Variants in TRAF3IP1 observed in about 807,000 individuals in gnomAD.
The protein encoded by TRAF3IP1 is TRAF3-interacting protein 1.
TRAF3IP1 carries 53 observed loss-of-function variants against 89.9 expected under a neutral mutation model. That is an observed-to-expected ratio of 0.59 (90% CI 0.47 to 0.74). TRAF3IP1 has a LOEUF of 0.74. Ranked by LOEUF, TRAF3IP1 falls within the 30% of genes least tolerant of loss-of-function variation. The pLI is 0.00. For missense variants in TRAF3IP1, 806 were observed against 866.1 expected (o/e 0.93, Z 0.87); for synonymous variants, 311 against 322.1 (o/e 0.97, Z 0.37).
Position 238,329,205 on chromosome 2 carries a change from G to A in TRAF3IP1, c.778G>A (p.Glu260Lys), listed in dbSNP as rs138469421. The A allele has an allele frequency of 5.2e-3, 8,126 of 1,565,716 alleles. 31 individuals carry two copies. Among genetic ancestry groups the A allele is most frequent in the Non-Finnish European group, 5.5e-3 (6,397 of 1,159,756 alleles). Residue 260 changes from glutamate to lysine, a missense_variant, in exon 5 of 17, where the codon GAG becomes AAG. Glu to Lys is a moderately conservative substitution (Grantham distance 56, BLOSUM62 1). Transcript: ENST00000373327. ...AAAGAGTGAGGGGGGGAAAGAGAAG[G>A]AGAGACTGAGAGACAGGGACCGAGA... ...ERKSEGGKEK[E>K]RLRDRDRERD...
At chr2:238,385,903 A>G (rs991659062) in intron 15 of TRAF3IP1, among the ~76,000 whole-genome samples, 55 of 152,338 alleles carry the variant, frequency 3.6e-4, no homozygotes, top group African/African-American at 1.3e-3. Flanking sequence ...TTTGGGTGGG[A>G]TAGTCTGTCA....
chr2:238,325,206 T>C, intron 1 of TRAF3IP1, 100 bp from the exon 2 acceptor site: 4 of 1,139,736 alleles, frequency 3.5e-6, no homozygotes, highest in Non-Finnish European at 4.0e-6. Context: ...TCTGGGCTGC[T>C]AGTCAATTCT....
intron 15 of TRAF3IP1, among the ~76,000 whole-genome samples, chr2:238,364,678 C>A (rs1384053693): frequency 6.6e-6 from 1 of 151,360 alleles, no homozygotes; most frequent in African/African-American, 2.4e-5. Context: ...GATGCTTTTT[C>A]TTTTCATTTA....
At position 238,398,976 on chromosome 2, in the gene TRAF3IP1, T is replaced by C; in HGVS notation, c.*57T>C. On this transcript the variant is annotated 3_prime_UTR_variant, in exon 17 of 17. Transcript: ENST00000373327. ...CTCAGTTTAAAAGCAAAAAGGAAGA[T>C]AGAAAATCATTACTCTTTTAAGTTC... The C allele has an allele frequency of 1.4e-6, 2 of 1,445,126 alleles. No homozygotes were observed. Among genetic ancestry groups the C allele is most frequent in the Non-Finnish European group, 1.9e-6 (2 of 1,065,268 alleles). 89.5% of individuals were successfully genotyped at this position (1,445,126 alleles called of 1,614,324 possible).
At chr2:238,396,983 C>G (rs11682761) in intron 15 of TRAF3IP1, among the ~76,000 whole-genome samples, 42,390 of 152,128 alleles carry the variant, frequency 0.28, 6,033 homozygotes, top group African/African-American at 0.29. Flanking sequence ...TTTCTTTCCC[C>G]TTGCCCCCTG....
At position 238,370,153 on chromosome 2, in the gene TRAF3IP1, T is replaced by C. The variant is rs111482809; in HGVS notation, c.1689+14073T>C. On this transcript the variant is annotated intron_variant, in intron 15 of 16. Coordinates refer to ENST00000373327, the MANE Select transcript of TRAF3IP1 (RefSeq NM_015650.4). ...AACAGAGCTAGAGGGGGAAAATGTA[T>C]GTGTCTGTGTTTGTTATATATGCGT... Among the ~76,000 whole-genome samples the C allele has an allele frequency of 7.4e-3, 1,123 of 152,258 alleles. 16 individuals are homozygous for C. Among genetic ancestry groups the C allele is most frequent in the African/African-American group, 0.026 (1,078 of 41,548 alleles).
rs553383320 is a variant in TRAF3IP1, at chr2:238,333,643, A to G, written c.988-317A>G. ...CAAGTGCATTTAAGTAATTAAGTAT[A>G]TAGCAACAGAAGTGGAGTCCTCATA... On this transcript the variant is annotated intron_variant, in intron 6 of 16. Coordinates refer to ENST00000373327, the MANE Select transcript of TRAF3IP1 (RefSeq NM_015650.4). Among the ~76,000 whole-genome samples the G allele has an allele frequency of 1.6e-4, 25 of 152,368 alleles. No individual in the cohort carries two copies. In the South Asian group the frequency reaches 4.8e-3, roughly 29 times the overall value.
At chr2:238,398,639 C>T in intron 16 of TRAF3IP1, 115 bp from the exon 17 acceptor site, 2 of 1,200,252 alleles carry the variant, frequency 1.7e-6, no homozygotes, top group East Asian at 2.6e-5. Flanking sequence ...AAATATTATC[C>T]TTTTCTTTGG....
At chr2:238,392,545 A>T (rs984462142) in intron 15 of TRAF3IP1, among the ~76,000 whole-genome samples, 2 of 150,552 alleles carry the variant, frequency 1.3e-5, no homozygotes, top group African/African-American at 4.9e-5. Flanking sequence ...AGGGCCATCC[A>T]GTTTGTTCCA....
intron 10 of TRAF3IP1, among the ~76,000 whole-genome samples, chr2:238,348,060 C>T (rs1698978560): frequency 6.6e-6 from 1 of 151,702 alleles, no homozygotes; most frequent in African/African-American, 2.4e-5. Flanking sequence ...GTGTTAATTC[C>T]TTTTACTTTA....
chr2:238,320,756 T>G lies in TRAF3IP1; in HGVS notation c.94T>G (p.Phe32Val). ...CGAGAAGCTGCTGAGCAAGCCCCCG[T>G]TCCGCTACCTGCACGACATCATCAC... ...LTEKLLSKPPFRYLHDIITEV... is the reference protein window; with the variant it reads ...LTEKLLSKPPVRYLHDIITEV... Residue 32 changes from phenylalanine to valine, a missense_variant, in exon 1 of 17, where the codon TTC becomes GTC. Physicochemically the swap from Phe to Val is conservative, Grantham distance 50. This residue lies in a region of TRAF3IP1 where 732 missense variants were observed against 780.5 expected (regional missense o/e 0.94). Transcript: ENST00000373327. The G allele has an allele frequency of 7.0e-7, 1 of 1,436,128 alleles. No homozygotes were observed. Among genetic ancestry groups the G allele is most frequent in the Non-Finnish European group, 9.2e-7 (1 of 1,081,832 alleles). 89.0% of individuals were successfully genotyped at this position (1,436,128 alleles called of 1,614,324 possible).
chr2:238,361,361 C>G (rs1223408338), intron 15 of TRAF3IP1, among the ~76,000 whole-genome samples: 1 of 152,120 alleles, frequency 6.6e-6, no homozygotes, highest in African/African-American at 2.4e-5. Context: ...ATTTAAACAG[C>G]CTTTTTCTTT....
In TRAF3IP1 at chr2:238,332,940, G is replaced by A. The variant is rs535981215; in HGVS notation, c.987+45G>A. ...TTTTAAGAGATGTCAACTTGTAGCTGTGTTGAAATAGTGAATGCTGTGCGC... is the reference window on the plus strand; with the variant it reads ...TTTTAAGAGATGTCAACTTGTAGCTATGTTGAAATAGTGAATGCTGTGCGC... On this transcript the variant is annotated intron_variant, in intron 6 of 16. Coordinates refer to ENST00000373327, the MANE Select transcript of TRAF3IP1 (RefSeq NM_015650.4). 5 of 1,459,206 alleles carry A rather than the reference G, an allele frequency of 3.4e-6. No individual in the cohort carries two copies. The East Asian group carries it at 9.1e-5, about 26-fold the overall frequency. 90.4% of individuals were successfully genotyped at this position (1,459,206 alleles called of 1,614,324 possible).
At chr2:238,349,480 A>G (rs1008941680) in intron 12 of TRAF3IP1, 72 bp downstream of exon 12, 4 of 1,452,992 alleles carry the variant, frequency 2.8e-6, no homozygotes, top group Non-Finnish European at 2.9e-6. Context: ...CTCCGCTAAG[A>G]GAAGGGGGAG....
chr2:238,371,759 T>C (rs1700120620), intron 15 of TRAF3IP1, among the ~76,000 whole-genome samples: 1 of 152,252 alleles, frequency 6.6e-6, no homozygotes, highest in Non-Finnish European at 1.5e-5. Context: ...TTAGAAATTA[T>C]TATATTGATT....
chr2:238,369,674 G>A (rs1034322420), intron 15 of TRAF3IP1, among the ~76,000 whole-genome samples: 6 of 152,176 alleles, frequency 3.9e-5, no homozygotes, highest in Non-Finnish European at 5.9e-5. Flanking sequence ...GATTGTTCCT[G>A]ACTGCAGACG....
chr2:238,363,408 G>A (rs997401532), intron 15 of TRAF3IP1, among the ~76,000 whole-genome samples: 4 of 152,048 alleles, frequency 2.6e-5, no homozygotes, highest in Admixed American at 6.5e-5. Flanking sequence ...TTAATATGAA[G>A]TACTTTGTTA....
chr2:238,329,066 A>G lies in TRAF3IP1; in HGVS notation c.639A>G (p.Arg213=), dbSNP rs1482974795. The G allele has an allele frequency of 6.4e-7, 1 of 1,551,594 alleles. No homozygotes were observed. The highest frequency in any genetic ancestry group is 8.7e-7 in the Non-Finnish European group (1 of 1,147,024). ...KAKENGGNRH[R]EGERERAKAR... ...AGGAGAATGGCGGAAACAGACACAG[A>G]GAAGGGGAGAGAGAGAGAGCCAAAG... Residue 213 remains arginine (R), a synonymous_variant, in exon 5 of 17, where the codon AGA becomes AGG. Transcript: ENST00000373327.
intron 12 of TRAF3IP1, among the ~76,000 whole-genome samples, chr2:238,349,711 G>C (rs1319821610): frequency 6.6e-6 from 1 of 152,066 alleles, no homozygotes; most frequent in African/African-American, 2.4e-5. Flanking sequence ...GGGGAATTAG[G>C]AAAAAATAGG....
Sources: allele counts gnomAD v4.1 joint callset (sites outside exome capture counted in the v4.1 genomes callset), GRCh38; gene constraint gnomAD v4.1.1; regional missense constraint gnomAD v4.1.1; transcripts MANE v1.5; gene names NCBI Gene and HGNC (gene_info 2026-07-23, HGNC 2026-07-21).